The following PALM2AKAP2 variants were observed in gnomAD, a reference collection of about 807,000 sequenced individuals.
PALM2AKAP2 encodes PALM2 and AKAP2 fusion, also known as PALM2-AKAP2 fusion protein.
PALM2AKAP2 carries 37 observed loss-of-function variants against 71.5 expected under a neutral mutation model. The ratio of observed to expected loss-of-function variants is 0.52; its 90% confidence interval spans 0.40 to 0.68. PALM2AKAP2 has a LOEUF of 0.68. Among genes scored for constraint, PALM2AKAP2 ranks in the 30% least tolerant of loss-of-function variants. The pLI is 0.00. For missense variants in PALM2AKAP2, 1,224 were observed against 1,191.8 expected (o/e 1.03, Z -0.40); for synonymous variants, 468 against 478.8 (o/e 0.98, Z 0.29).
rs1390457307 is a variant in PALM2AKAP2 at position 109,711,386 on chromosome 9, A to G, written c.6-69102A>G. The stretch of plus-strand genomic sequence containing the variant: ...ATAAAACCCTCATGAATCATGGATG[A>G]GAGAGTTACTGGAGTCTCACAGATC... On this transcript the variant is annotated intron_variant, in intron 1 of 6. Transcript: ENST00000374531. Among the ~76,000 whole-genome samples the G allele has an allele frequency of 2.0e-5, 3 of 152,244 alleles. No homozygotes were observed. In the South Asian group the frequency reaches 6.2e-4, roughly 32 times the overall value.
chr9:110,138,918 C>T (rs1405621552), intron 2 of PALM2AKAP2, among the ~76,000 whole-genome samples: 2 of 152,198 alleles, frequency 1.3e-5, no homozygotes, highest in Admixed American at 6.5e-5. Context: ...GAATCAGTAG[C>T]TTGACCCTCA....
intron 5 of PALM2AKAP2, among the ~76,000 whole-genome samples, chr9:109,926,388 A>G (rs1197137347): frequency 6.6e-6 from 1 of 152,208 alleles, no homozygotes; most frequent in African/African-American, 2.4e-5. Flanking sequence ...GGGCCAAGTC[A>G]TGTCCAAGCT....
chr9:110,010,199 G>A (rs1316774648), intron 6 of PALM2AKAP2, among the ~76,000 whole-genome samples: 4 of 152,088 alleles, frequency 2.6e-5, no homozygotes, highest in Non-Finnish European at 5.9e-5. Context: ...GCAGGGAAAT[G>A]CAAACTTATT....
At chr9:110,080,298 G>T (rs951068942) in intron 1 of PALM2AKAP2, among the ~76,000 whole-genome samples, 1 of 152,080 alleles carries the variant, frequency 6.6e-6, no homozygotes, top group Non-Finnish European at 1.5e-5. Context: ...GATGGAAATT[G>T]GTAGGGAAGG....
At chr9:110,144,557 TC>T (rs1029635681) in intron 2 of PALM2AKAP2, among the ~76,000 whole-genome samples, 25 of 152,350 alleles carry the variant, frequency 1.6e-4, no homozygotes, top group African/African-American at 6.0e-4. Flanking sequence ...TCAGACTTTT[TC>T]TGATTTTAGA....
chr9:109,732,185 T>G (rs1828566341), intron 1 of PALM2AKAP2, among the ~76,000 whole-genome samples: 1 of 152,200 alleles, frequency 6.6e-6, no homozygotes, highest in Non-Finnish European at 1.5e-5. Context: ...TGAAAGACAT[T>G]GCACGTAAGA....
chr9:109,765,480 C>G (rs201980735), intron 1 of PALM2AKAP2: 151 of 11,546 alleles, frequency 0.013, no homozygotes, highest in East Asian at 0.046. Flanking sequence ...TCATGATCAT[C>G]ATCATCATCA....
At chr9:109,670,270 A>G (rs941711536) in intron 1 of PALM2AKAP2, among the ~76,000 whole-genome samples, 2 of 151,680 alleles carry the variant, frequency 1.3e-5, no homozygotes, top group Non-Finnish European at 2.9e-5. Context: ...CCCTCCTCTT[A>G]CCCTCTACTA....
At chr9:110,013,900 G>A (rs1832927187) in intron 6 of PALM2AKAP2, among the ~76,000 whole-genome samples, 1 of 152,102 alleles carries the variant, frequency 6.6e-6, no homozygotes, top group Non-Finnish European at 1.5e-5. Flanking sequence ...CACATCTCTG[G>A]GTTCTTGATT....
At chr9:109,846,871 T>C (rs758229499) in intron 1 of PALM2AKAP2, among the ~76,000 whole-genome samples, 12 of 152,216 alleles carry the variant, frequency 7.9e-5, no homozygotes, top group East Asian at 1.9e-4. Context: ...ATGTGCTTTT[T>C]TGATGTTTGA....
At chr9:110,130,562 C>G (rs940956114) in intron 1 of PALM2AKAP2, among the ~76,000 whole-genome samples, 1 of 152,216 alleles carries the variant, frequency 6.6e-6, no homozygotes, top group African/African-American at 2.4e-5. Flanking sequence ...GGCACTCATA[C>G]AGACTTGAGT....
At chr9:110,014,863 CAT>C (rs1160389909) in intron 6 of PALM2AKAP2, among the ~76,000 whole-genome samples, 2 of 110,540 alleles carry the variant, frequency 1.8e-5, no homozygotes, top group African/African-American at 6.6e-5. Context: ...CACACACACA[CAT>C]ATATCTTGCC....
intron 5 of PALM2AKAP2, among the ~76,000 whole-genome samples, chr9:109,925,513 T>A (rs1384137503): frequency 6.6e-6 from 1 of 152,120 alleles, no homozygotes; most frequent in East Asian, 1.9e-4. Context: ...TGGGAAACCT[T>A]TCTACAGCCT....
At chr9:109,796,981 A>G (rs1827275830) in intron 1 of PALM2AKAP2, among the ~76,000 whole-genome samples, 1 of 152,160 alleles carries the variant, frequency 6.6e-6, no homozygotes, top group African/African-American at 2.4e-5. Flanking sequence ...AGGGGGTGGT[A>G]AAAATAACCT....
intron 1 of PALM2AKAP2, among the ~76,000 whole-genome samples, chr9:109,705,588 C>T (rs1169661146): frequency 6.6e-6 from 1 of 152,204 alleles, no homozygotes; most frequent in East Asian, 1.9e-4. Flanking sequence ...ATGTGACCCA[C>T]ATTTGAGAAG....
At chr9:109,763,026 G>C (rs907175887) in intron 1 of PALM2AKAP2, among the ~76,000 whole-genome samples, 4 of 152,174 alleles carry the variant, frequency 2.6e-5, no homozygotes, top group Admixed American at 6.5e-5. Context: ...AGCCAAGAGA[G>C]ACCAGAGGGC....
chr9:110,003,112 A>C (rs1832712055), intron 6 of PALM2AKAP2, among the ~76,000 whole-genome samples: 1 of 152,012 alleles, frequency 6.6e-6, no homozygotes, highest in African/African-American at 2.4e-5. Context: ...TAGTTCTTTT[A>C]ATTGTGATGT....
At chr9:109,820,909 TA>T (rs1301991884) in intron 1 of PALM2AKAP2, among the ~76,000 whole-genome samples, 6 of 152,226 alleles carry the variant, frequency 3.9e-5, no homozygotes, top group African/African-American at 1.4e-4. Flanking sequence ...ATATTTCAAT[TA>T]GTGCAGCAAG....
intron 1 of PALM2AKAP2, among the ~76,000 whole-genome samples, chr9:109,826,740 G>C (rs1828159779): frequency 6.6e-6 from 1 of 152,118 alleles, no homozygotes; most frequent in Admixed American, 6.6e-5. Context: ...AGTGTGAATA[G>C]GGTGTGAATG....
Sources: allele counts gnomAD v4.1 joint callset (sites outside exome capture counted in the v4.1 genomes callset), GRCh38; gene constraint gnomAD v4.1.1; transcripts MANE v1.5; gene names NCBI Gene and HGNC (gene_info 2026-07-23, HGNC 2026-07-21).